FYN: variants seen among roughly 807,000 people sequenced by gnomAD.
The protein encoded by FYN is tyrosine-protein kinase Fyn.
FYN carries 10 observed loss-of-function variants against 70.2 expected under a neutral mutation model. The ratio of observed to expected loss-of-function variants is 0.14; its 90% CI spans 0.09 to 0.24. FYN has a LOEUF of 0.24. FYN is among the 10% of genes least tolerant of loss of function. FYN has a pLI of 1.00. For missense variants in FYN, 319 were observed against 673.1 expected (o/e 0.47, Z 5.82); for synonymous variants, 236 against 248.6 (o/e 0.95, Z 0.48).
chr6:111,730,708 T>C (rs1158172081), intron 3 of FYN, among the ~76,000 whole-genome samples: 2 of 152,160 alleles, frequency 1.3e-5, no homozygotes, highest in Non-Finnish European at 2.9e-5. Flanking sequence ...CACAGAACAG[T>C]AGGCAACACT....
chr6:111,723,521 G>A (rs1354494866), intron 3 of FYN, among the ~76,000 whole-genome samples: 2 of 152,128 alleles, frequency 1.3e-5, no homozygotes, highest in East Asian at 3.9e-4. Flanking sequence ...ATGACACATA[G>A]GAAGAAGTGA....
intron 12 of FYN, among the ~76,000 whole-genome samples, chr6:111,692,809 C>T (rs935279224): frequency 5.3e-5 from 8 of 152,206 alleles, no homozygotes; most frequent in Non-Finnish European, 1.2e-4. Context: ...TCATTCAGGG[C>T]AAGTCTCAGA....
intron 12 of FYN, among the ~76,000 whole-genome samples, chr6:111,677,329 T>C (rs745727357): frequency 1.1e-4 from 17 of 152,198 alleles, no homozygotes; most frequent in Non-Finnish European, 1.9e-4. Context: ...AGCAATAAGG[T>C]ATTAATGATT....
chr6:111,695,307 A>G (rs1285614445), intron 10 of FYN, among the ~76,000 whole-genome samples: 1 of 152,234 alleles, frequency 6.6e-6, no homozygotes, highest in Non-Finnish European at 1.5e-5. Context: ...AATCAAGAAA[A>G]GACAATCTGA....
chr6:111,757,497 C>A (rs1465480262), intron 3 of FYN, among the ~76,000 whole-genome samples: 1 of 152,162 alleles, frequency 6.6e-6, no homozygotes, highest in Non-Finnish European at 1.5e-5. Flanking sequence ...ACTGGAAAGA[C>A]ACATAAGCAG....
At chr6:111,867,458 GAAAA>G (rs373634134) in intron 1 of FYN, among the ~76,000 whole-genome samples, 2 of 70,480 alleles carry the variant, frequency 2.8e-5, no homozygotes, top group African/African-American at 5.5e-5. Context: ...TCCGTCTCGG[GAAAA>G]AAAAAAAAAA....
intron 2 of FYN, among the ~76,000 whole-genome samples, chr6:111,817,207 T>C (rs940723488): frequency 2.0e-5 from 3 of 152,134 alleles, no homozygotes; most frequent in African/African-American, 4.8e-5. Context: ...TTTTTCTATA[T>C]ATTTTTCTGT....
chr6:111,682,868 C>T (rs918978234), intron 12 of FYN, among the ~76,000 whole-genome samples: 1 of 152,166 alleles, frequency 6.6e-6, no homozygotes, highest in Non-Finnish European at 1.5e-5. Context: ...CTCAGCACAG[C>T]GTCTGGTACC....
chr6:111,799,824 C>A (rs1416457447), intron 2 of FYN, among the ~76,000 whole-genome samples: 2 of 152,136 alleles, frequency 1.3e-5, no homozygotes, highest in African/African-American at 2.4e-5. Context: ...CATGCCTTGT[C>A]CACCCTTGTT....
intron 12 of FYN, among the ~76,000 whole-genome samples, chr6:111,692,028 A>C (rs1799341953): frequency 6.8e-6 from 1 of 147,016 alleles, no homozygotes; most frequent in Non-Finnish European, 1.5e-5. Context: ...GCCACTCCCT[A>C]CCCCTCTGCT....
Position 111,757,916 on chromosome 6 carries a change from C to T in FYN, c.-12+22650G>A, listed in dbSNP as rs549699269. On this transcript the variant is annotated intron_variant, in intron 3 of 13. Coordinates refer to ENST00000354650, the MANE Select transcript of FYN (RefSeq NM_002037.5). ...TTAGAGAAGGAAACTATGGCACATA[C>T]GATTTCTTTTTTCCACAGAGGGGTT... Among the ~76,000 whole-genome samples, 3 of 152,072 alleles carry T rather than the reference C, an allele frequency of 2.0e-5. No individual in the cohort carries two copies. In the East Asian group the frequency reaches 5.8e-4, roughly 29 times the overall value.
chr6:111,672,544 G>A (rs77437330), intron 13 of FYN, among the ~76,000 whole-genome samples: 6,750 of 152,290 alleles, frequency 0.044, 168 homozygotes, highest in East Asian at 0.096. Context: ...AAGCCAAGTA[G>A]TCCATCCTTT....
At position 111,701,565 on chromosome 6, in the gene FYN, T is replaced by A. The variant is rs370105175; in HGVS notation, c.698-1297A>T. Among the ~76,000 whole-genome samples, 266 of 152,228 alleles carry A rather than the reference T, an allele frequency of 1.7e-3. 3 individuals carry two copies. The South Asian group carries it at 0.02, about 12-fold the overall frequency. On this transcript the variant is annotated intron_variant, in intron 8 of 13. Coordinates refer to ENST00000354650, the MANE Select transcript of FYN (RefSeq NM_002037.5). ...AGTCTAACGTGAGATGGATTTTTTT[T>A]CCCCGAGATTAAAAAAAGTGTCTAT...
intron 4 of FYN, among the ~76,000 whole-genome samples, chr6:111,716,743 A>G (rs1800661942): frequency 6.6e-6 from 1 of 152,162 alleles, no homozygotes; most frequent in African/African-American, 2.4e-5. Context: ...CCCGATTGAA[A>G]AAAAGAGATA....
chr6:111,720,125 C>T, intron 3 of FYN, 63 bp from the exon 4 acceptor site: 3 of 1,520,204 alleles, frequency 2.0e-6, no homozygotes, highest in South Asian at 2.6e-5. Flanking sequence ...GGTTGCTCTA[C>T]AGTAAACGAG....
At chr6:111,851,428 C>G (rs888436600) in intron 1 of FYN, among the ~76,000 whole-genome samples, 9 of 152,166 alleles carry the variant, frequency 5.9e-5, no homozygotes, top group African/African-American at 2.2e-4. Context: ...ACCCCAGCAC[C>G]TCCGCCTTGC....
At chr6:111,786,900 G>C (rs957636897) in intron 2 of FYN, among the ~76,000 whole-genome samples, 1 of 151,762 alleles carries the variant, frequency 6.6e-6, no homozygotes, top group African/African-American at 2.4e-5. Flanking sequence ...TTGCCCACTT[G>C]TTGATGGGGT....
intron 1 of FYN, among the ~76,000 whole-genome samples, chr6:111,867,458 G>GGGA (rs1359978028): frequency 4.3e-5 from 3 of 70,462 alleles, no homozygotes; most frequent in Non-Finnish European, 5.5e-5. Flanking sequence ...TCCGTCTCGG[G>GGGA]AAAAAAAAAA....
intron 2 of FYN, among the ~76,000 whole-genome samples, chr6:111,802,558 G>C (rs544474605): frequency 6.6e-6 from 1 of 151,864 alleles, no homozygotes; most frequent in South Asian, 2.1e-4. Flanking sequence ...TCAGCCTCCC[G>C]ATAGCTGGGA....
Sources: gnomAD v4.1 joint callset for allele counts (sites outside exome capture counted in the v4.1 genomes callset) on GRCh38, gnomAD v4.1.1 for gene constraint, MANE v1.5 for transcripts, NCBI Gene and HGNC (gene_info 2026-07-23, HGNC 2026-07-21) for gene names.